Variants in MAN1C1 observed in about 807,000 individuals in gnomAD.
MAN1C1 encodes mannosidase alpha class 1C member 1.
A neutral mutation model predicts 71.5 loss-of-function variants in MAN1C1; 49 were observed. The observed-to-expected ratio is 0.69, with a 90% confidence interval of 0.54 to 0.87. The LOEUF (loss-of-function observed/expected upper bound fraction) is 0.87, where lower values mean the gene tolerates loss of function less well. Ranked by LOEUF, MAN1C1 falls within the 40% of genes least tolerant of loss-of-function variation. The probability of loss-of-function intolerance (pLI) is 0.00; values close to 1 mark genes in which losing one functional copy is unlikely to be tolerated. For missense variants in MAN1C1, 743 were observed against 835.0 expected, an observed-to-expected ratio of 0.89 and a Z score of 1.36; for synonymous variants, 352 against 343.7, an observed-to-expected ratio of 1.02 and a Z score of -0.27.
At chr1:25,690,481 C>T (rs1304321340) in intron 2 of MAN1C1, among the ~76,000 whole-genome samples, 3 of 152,082 alleles carry the variant, frequency 2.0e-5, no homozygotes, top group Non-Finnish European at 2.9e-5. Flanking sequence ...TCAGTAGAGA[C>T]GGGGTTTCAC....
intron 3 of MAN1C1, among the ~76,000 whole-genome samples, chr1:25,748,327 G>T (rs993952223): frequency 6.6e-6 from 1 of 152,202 alleles, no homozygotes. Flanking sequence ...TTTTGCAGGT[G>T]CTCTGTGGAT....
At position 25,746,301 on chromosome 1, in the gene MAN1C1, T is replaced by C. The variant is rs1041588689; in HGVS notation, c.638-367T>C. ...GACTGGGTGACAGAGTAAGACCCTG[T>C]CTCAAAAACAAACAAACAAAGATTT... is the stretch of plus-strand genomic sequence containing the variant. On this transcript the variant is annotated intron_variant, in intron 2 of 11. Coordinates refer to ENST00000374332, the MANE Select transcript of MAN1C1 (RefSeq NM_020379.4). The surrounding 1 kb of genome is among the most constrained non-coding windows in gnomAD (Gnocchi z 4.0). Among the ~76,000 whole-genome samples the C allele has an allele frequency of 2.6e-5, 4 of 151,664 alleles. No homozygotes were observed. Among genetic ancestry groups the C allele is most frequent in the African/African-American group, 7.3e-5 (3 of 40,980 alleles).
At chr1:25,622,677 G>A (rs1315262840) in intron 1 of MAN1C1, among the ~76,000 whole-genome samples, 1 of 152,200 alleles carries the variant, frequency 6.6e-6, no homozygotes, top group African/African-American at 2.4e-5. Flanking sequence ...CATGCCTAGA[G>A]AGCAGGCATC....
intron 4 of MAN1C1, among the ~76,000 whole-genome samples, chr1:25,751,952 G>A (rs1360543251): frequency 1.3e-5 from 2 of 152,168 alleles, no homozygotes; most frequent in African/African-American, 4.8e-5. Flanking sequence ...TGCAGTGGGT[G>A]CCTGTTGGGT....
At chr1:25,649,010 C>T (rs2045654281) in intron 1 of MAN1C1, among the ~76,000 whole-genome samples, 2 of 152,342 alleles carry the variant, frequency 1.3e-5, no homozygotes, top group Admixed American at 1.3e-4. Context: ...AGCAACTGAA[C>T]AGGGGAAGGC....
chr1:25,644,497 CATATATATATAT>C (rs1204408970), intron 1 of MAN1C1: 1 of 80,140 alleles, frequency 1.2e-5, no homozygotes, highest in African/African-American at 9.0e-5. Flanking sequence ...GTACCAGAGA[CATATATATATAT>C]ATATATATAT....
At chr1:25,744,270 A>G (rs763166380) in intron 2 of MAN1C1, among the ~76,000 whole-genome samples, 20 of 152,152 alleles carry the variant, frequency 1.3e-4, no homozygotes, top group Non-Finnish European at 2.8e-4. Context: ...AATACGGGCC[A>G]GGAACTCTGT....
At chr1:25,629,741 A>ATT (rs201254114) in intron 1 of MAN1C1, among the ~76,000 whole-genome samples, 3 of 143,308 alleles carry the variant, frequency 2.1e-5, no homozygotes, top group Admixed American at 6.9e-5. Flanking sequence ...TTTTTAATTG[A>ATT]TTTTTTTTTT....
intron 6 of MAN1C1, chr1:25,763,556 G>T: frequency 2.8e-5 from 7 of 251,480 alleles, no homozygotes; most frequent in Admixed American, 5.4e-5. Flanking sequence ...AGCAAGCAAT[G>T]AGGAAGTGTT....
chr1:25,751,786 G>A (rs920875601), intron 4 of MAN1C1, among the ~76,000 whole-genome samples: 2 of 152,156 alleles, frequency 1.3e-5, no homozygotes, highest in Non-Finnish European at 2.9e-5. Flanking sequence ...GCTCCGGGTC[G>A]CACAGTGTCT....
chr1:25,738,368 C>T (rs1039615111), intron 2 of MAN1C1, among the ~76,000 whole-genome samples: 2 of 152,160 alleles, frequency 1.3e-5, no homozygotes, highest in Non-Finnish European at 2.9e-5. Flanking sequence ...TCATATTAGA[C>T]GATCTGGTTT....
chr1:25,626,874 A>T (rs1353579713), intron 1 of MAN1C1, among the ~76,000 whole-genome samples: 1 of 152,196 alleles, frequency 6.6e-6, no homozygotes, highest in Non-Finnish European at 1.5e-5. Flanking sequence ...CTCAAAGAGC[A>T]GAAGTTTTAA....
At chr1:25,677,365 AG>A (rs768296552) in intron 1 of MAN1C1, among the ~76,000 whole-genome samples, 14 of 152,128 alleles carry the variant, frequency 9.2e-5, no homozygotes, top group Middle Eastern at 6.8e-3. Context: ...ACAGGAAGGG[AG>A]GGGCTTCCAG....
rs2124395864 is a variant in MAN1C1 at position 25,769,166 on chromosome 1, A to G, written c.1142-2491A>G. Among the ~76,000 whole-genome samples, 1 of 147,182 alleles carries G rather than the reference A, an allele frequency of 6.8e-6. No individual in the cohort carries two copies. The highest frequency in any genetic ancestry group is 6.8e-5 in the Admixed American group (1 of 14,778). ...CACTCCCCTCACACATTCCACACAC[A>G]CACCCCACACATTACACACACTCGC... On this transcript the variant is annotated intron_variant, in intron 7 of 11. Transcript: ENST00000374332. This position sits in a 1 kb window ranked among gnomAD's most constrained non-coding sequence, Gnocchi z 4.8.
chr1:25,783,534 G>A (rs1251069482), intron 11 of MAN1C1, 129 bp from the exon 12 acceptor site: 1 of 1,002,382 alleles, frequency 1.0e-6, no homozygotes, highest in East Asian at 2.4e-5. Flanking sequence ...CACAGTTTTG[G>A]GGTTGCAAGG....
rs769928744 is a variant in MAN1C1 at position 25,778,123 on chromosome 1, C to G, written c.1276C>G (p.Leu426Val). 2 of 1,571,966 alleles carry G rather than the reference C, an allele frequency of 1.3e-6. No homozygotes were observed. Among genetic ancestry groups the G allele is most frequent in the Admixed American group, 1.8e-5 (1 of 56,166 alleles). Residue 426 changes from leucine (L) to valine (V), a missense_variant, in exon 9 of 12, where the codon CTG becomes GTG. Leu to Val is a conservative substitution (Grantham distance 32, BLOSUM62 1). Coordinates refer to ENST00000374332, the MANE Select transcript of MAN1C1 (RefSeq NM_020379.4). This position sits in a 1 kb window ranked among gnomAD's most constrained non-coding sequence, Gnocchi z 5.5. Reference sequence around the variant, plus strand: ...CTCCCAGGCGATAGAGACCTACTTGCTGAATGTCTCTCCCGGGGGGCTGAC... The same window carrying G: ...CTCCCAGGCGATAGAGACCTACTTGGTGAATGTCTCTCCCGGGGGGCTGAC... ...EALEAIETYL[L>V]NVSPGGLTYI...
intron 2 of MAN1C1, among the ~76,000 whole-genome samples, chr1:25,744,939 T>C (rs1466218875): frequency 6.6e-6 from 1 of 152,200 alleles, no homozygotes; most frequent in Non-Finnish European, 1.5e-5. Flanking sequence ...CAATTACTCC[T>C]CTTAGGGTTA....
intron 2 of MAN1C1, among the ~76,000 whole-genome samples, chr1:25,724,894 C>T (rs1204332822): frequency 6.6e-6 from 1 of 152,216 alleles, no homozygotes; most frequent in African/African-American, 2.4e-5. Flanking sequence ...GAGTAGTACA[C>T]TCTCCAGGCC....
intron 1 of MAN1C1, among the ~76,000 whole-genome samples, chr1:25,664,110 G>T (rs2045887663): frequency 6.6e-6 from 1 of 152,180 alleles, no homozygotes. Flanking sequence ...GTTATTCTGG[G>T]TAGAGGGGCC....
Sources: gnomAD v4.1 joint callset for allele counts (sites outside exome capture counted in the v4.1 genomes callset) on GRCh38, gnomAD v4.1.1 for gene constraint, Gnocchi (gnomAD v3.1) non-coding constraint, MANE v1.5 for transcripts, NCBI Gene and HGNC (gene_info 2026-07-23, HGNC 2026-07-21) for gene names.